The following LINGO2 variants were observed in gnomAD, a reference collection of about 807,000 sequenced individuals.
LINGO2 encodes leucine rich repeat and Ig domain containing 2.
In LINGO2, 14 loss-of-function variants were observed where a neutral mutation model predicts 30.6. That is an observed-to-expected ratio of 0.46 (90% CI 0.30 to 0.72). LINGO2 has a LOEUF of 0.72. Ranked by LOEUF, LINGO2 falls within the 30% of genes least tolerant of loss-of-function variation. The pLI, the probability that LINGO2 is intolerant of heterozygous loss-of-function variation, is 0.07. For synonymous variants in LINGO2, 317 were observed against 288.5 expected (o/e 1.10, Z -1.00); for missense variants, 729 against 751.7 (o/e 0.97, Z 0.35).
intron 2 of LINGO2, among the ~76,000 whole-genome samples, chr9:28,454,867 C>A (rs1824786011): frequency 6.6e-6 from 1 of 151,906 alleles, no homozygotes; most frequent in African/African-American, 2.4e-5. Context: ...GATGAAAGAG[C>A]TTTAGATAAA....
intron 4 of LINGO2, among the ~76,000 whole-genome samples, chr9:28,091,801 T>C (rs1826098248): frequency 6.6e-6 from 1 of 152,114 alleles, no homozygotes; most frequent in African/African-American, 2.4e-5. Flanking sequence ...AATCTACTCA[T>C]GTGGCAAAGG....
intron 3 of LINGO2, among the ~76,000 whole-genome samples, chr9:28,348,023 A>G (rs1274534622): frequency 5.3e-5 from 8 of 152,202 alleles, no homozygotes; most frequent in African/African-American, 1.9e-4. Context: ...TATTCTCAGA[A>G]GTATTTTAGA....
intron 4 of LINGO2, among the ~76,000 whole-genome samples, chr9:28,141,024 T>G (rs552479252): frequency 1.8e-4 from 27 of 152,036 alleles, no homozygotes; most frequent in South Asian, 4.1e-4. Context: ...GCAAACTATC[T>G]TAAGTCCAAA....
At chr9:28,052,351 C>T (rs531017855) in intron 4 of LINGO2, among the ~76,000 whole-genome samples, 2 of 152,180 alleles carry the variant, frequency 1.3e-5, no homozygotes, top group South Asian at 2.1e-4. Context: ...ATTATTTGAA[C>T]ATTATTTCTG....
At chr9:27,951,952 C>G (rs1384718404) in intron 5 of LINGO2, among the ~76,000 whole-genome samples, 3 of 151,956 alleles carry the variant, frequency 2.0e-5, no homozygotes, top group Non-Finnish European at 4.4e-5. Flanking sequence ...TGGTGAATCA[C>G]TAAATCACTA....
chr9:28,975,282 T>G, the LINGO2 span, among the ~76,000 whole-genome samples: 2 of 152,014 alleles, frequency 1.3e-5, no homozygotes, highest in Admixed American at 6.6e-5. Context: ...AGAAAGACAA[T>G]GAACCTAATT....
chr9:29,206,206 C>T, the LINGO2 span, among the ~76,000 whole-genome samples: 1 of 152,142 alleles, frequency 6.6e-6, no homozygotes, highest in African/African-American at 2.4e-5. Flanking sequence ...CTTGTGTGTA[C>T]ATGATATATT....
At chr9:29,058,986 C>T in the LINGO2 span, among the ~76,000 whole-genome samples, 5,748 of 151,804 alleles carry the variant, frequency 0.038, 181 homozygotes, top group Admixed American at 0.076. Flanking sequence ...ACAAATAAAA[C>T]AGTTGTAGTT....
chr9:28,780,830 ATG>A, the LINGO2 span, among the ~76,000 whole-genome samples: 3,786 of 127,198 alleles, frequency 0.03, 60 homozygotes, highest in Admixed American at 0.053. Flanking sequence ...CTTGGTAGTA[ATG>A]TGTGTGTGTG....
chr9:28,671,310 G>T (rs1304867773), upstream of LINGO2, among the ~76,000 whole-genome samples: 4 of 152,098 alleles, frequency 2.6e-5, no homozygotes, highest in Admixed American at 2.6e-4. Context: ...ATGGTAGAAA[G>T]ATGGTGCTCC....
At chr9:28,985,691 C>T in the LINGO2 span, among the ~76,000 whole-genome samples, 1 of 151,978 alleles carries the variant, frequency 6.6e-6, no homozygotes, top group Admixed American at 6.6e-5. Context: ...AGGTCCCTTG[C>T]CCATTTTGTT....
intron 1 of LINGO2, among the ~76,000 whole-genome samples, chr9:28,562,203 T>C (rs145897174): frequency 0.018 from 2,712 of 151,854 alleles, 80 homozygotes; most frequent in African/African-American, 0.061. Flanking sequence ...AACTTTTCAG[T>C]TTTTCAGGAA....
chr9:28,979,206 C>A, the LINGO2 span, among the ~76,000 whole-genome samples: 5 of 151,844 alleles, frequency 3.3e-5, no homozygotes, highest in Middle Eastern at 3.2e-3. Context: ...TCATTTTTAA[C>A]TTATGGGCAA....
At chr9:29,179,055 A>G in the LINGO2 span, among the ~76,000 whole-genome samples, 1 of 151,034 alleles carries the variant, frequency 6.6e-6, no homozygotes, top group Non-Finnish European at 1.5e-5. Context: ...GAGGCTATTG[A>G]CATAGGCAAA....
At chr9:28,447,238 CA>C (rs980933271) in intron 2 of LINGO2, among the ~76,000 whole-genome samples, 2 of 152,160 alleles carry the variant, frequency 1.3e-5, no homozygotes, top group Non-Finnish European at 2.9e-5. Context: ...TGCTGAAACC[CA>C]ATCTCTAATG....
At chr9:29,057,739 G>T in the LINGO2 span, among the ~76,000 whole-genome samples, 1 of 152,084 alleles carries the variant, frequency 6.6e-6, no homozygotes, top group South Asian at 2.1e-4. Flanking sequence ...CAGATACCAT[G>T]GCTTCGGATC....
chr9:29,086,857 G>A, the LINGO2 span, among the ~76,000 whole-genome samples: 3 of 151,298 alleles, frequency 2.0e-5, no homozygotes, highest in Non-Finnish European at 4.4e-5. Flanking sequence ...CATTTACTTT[G>A]GGGAAGCTGT....
chr9:28,319,440 A>G (rs1053649805), intron 3 of LINGO2, among the ~76,000 whole-genome samples: 3 of 152,200 alleles, frequency 2.0e-5, no homozygotes, highest in Non-Finnish European at 4.4e-5. Context: ...TCTTAATTGT[A>G]TCTACAAAAT....
At chr9:28,009,888 A>T (rs1822469145) in intron 5 of LINGO2, among the ~76,000 whole-genome samples, 1 of 152,232 alleles carries the variant, frequency 6.6e-6, no homozygotes, top group Non-Finnish European at 1.5e-5. Flanking sequence ...CAAGAGAAGT[A>T]ACAATAAATA....
Sources: allele counts gnomAD v4.1 joint callset (sites outside exome capture counted in the v4.1 genomes callset), GRCh38; gene constraint gnomAD v4.1.1; transcripts MANE v1.5; gene names NCBI Gene and HGNC (gene_info 2026-07-23, HGNC 2026-07-21).